Variants in GALNTL5 observed in about 807,000 individuals in gnomAD.
GALNTL5 encodes the protein polypeptide N-acetylgalactosaminyltransferase like 5.
In GALNTL5, 44 loss-of-function variants were observed where a neutral mutation model predicts 51.0. That is an observed-to-expected ratio of 0.86 (90% CI 0.68 to 1.11). The LOEUF (loss-of-function observed/expected upper bound fraction) is 1.11. GALNTL5 is among the 50% of genes least tolerant of loss of function. GALNTL5 has a pLI of 0.00. For missense variants in GALNTL5, 528 were observed against 531.8 expected (o/e 0.99, Z 0.07); for synonymous variants, 192 against 182.8 (o/e 1.05, Z -0.41).
At chr7:151,968,442 C>G (rs992206604) in intron 2 of GALNTL5, among the ~76,000 whole-genome samples, 1 of 152,228 alleles carries the variant, frequency 6.6e-6, no homozygotes, top group Admixed American at 6.5e-5. Flanking sequence ...CTGAACGGCC[C>G]TCCCACTAGA....
chr7:151,998,330 T>TA (rs34764187), intron 5 of GALNTL5, among the ~76,000 whole-genome samples: 14,247 of 151,714 alleles, frequency 0.094, 1,044 homozygotes, highest in East Asian at 0.35. Context: ...GAAAAGGTGC[T>TA]AAAAAAAAGT....
At chr7:152,001,529 T>C (rs995699680) in intron 5 of GALNTL5, among the ~76,000 whole-genome samples, 2 of 152,188 alleles carry the variant, frequency 1.3e-5, no homozygotes, top group Admixed American at 6.5e-5. Context: ...ACTTTCTCCA[T>C]TGAATTGTCT....
At chr7:152,007,306 C>T (rs954891568) in intron 6 of GALNTL5, among the ~76,000 whole-genome samples, 2 of 151,708 alleles carry the variant, frequency 1.3e-5, no homozygotes, top group Non-Finnish European at 2.9e-5. Flanking sequence ...ATCGCATACA[C>T]ATTTTGGTGA....
At chr7:151,977,304 C>T (rs1459976073) in intron 3 of GALNTL5, among the ~76,000 whole-genome samples, 2 of 152,094 alleles carry the variant, frequency 1.3e-5, no homozygotes, top group Non-Finnish European at 2.9e-5. Flanking sequence ...GTCATTTCAA[C>T]AAAACCCAAC....
At position 151,987,220 on chromosome 7, in the gene GALNTL5, A is replaced by G; in HGVS notation, c.597A>G (p.Ile199Met). ...LETFRGKVKI[I>M]RNKKREGLIR... ...CTTTTCGGGGAAAGGTTAAAATAAT[A>G]AGAAACAAAAAGAGAGAGGGGCTGA... Residue 199 changes from isoleucine (I) to methionine (M), a missense_variant, in exon 5 of 9, where the codon ATA becomes ATG. Ile to Met is a conservative substitution (Grantham distance 10). Coordinates refer to ENST00000392800, the MANE Select transcript of GALNTL5 (RefSeq NM_145292.4). The G allele has an allele frequency of 1.2e-6, 2 of 1,600,294 alleles. No individual in the cohort carries two copies. Among genetic ancestry groups the G allele is most frequent in the South Asian group, 1.1e-5 (1 of 87,048 alleles).
At position 151,987,148 on chromosome 7, in the gene GALNTL5, T is replaced by C. The variant is rs1309600528; in HGVS notation, c.536-11T>C. 1.3e-6 allele frequency: 2 copies of C among 1,586,278 alleles called. No homozygotes were observed. The highest frequency in any genetic ancestry group is 8.6e-7 in the Non-Finnish European group (1 of 1,168,652). On this transcript the variant is annotated splice_polypyrimidine_tract_variant and intron_variant, in intron 4 of 8. Transcript: ENST00000392800. Reference sequence around the variant, plus strand: ...CGTTTATACATTCTCATGTGTTGAATATTTTTCCAGATGATTTGAAAGAAA... The same window carrying C: ...CGTTTATACATTCTCATGTGTTGAACATTTTTCCAGATGATTTGAAAGAAA...
intron 4 of GALNTL5, 101 bp from the exon 5 acceptor site, chr7:151,987,058 T>C (rs1006736573): frequency 1.9e-6 from 2 of 1,039,598 alleles, no homozygotes; most frequent in African/African-American, 3.4e-5. Context: ...AGAACTTCTG[T>C]GGAATAGCAT....
At position 151,967,505 on chromosome 7, in the gene GALNTL5, G is replaced by T; in HGVS notation, c.247+12G>T. Reference sequence around the variant, plus strand: ...AAAGTCTATGTTAGGTAAGTATTTGGATTTTTTTCCGTTAGCCATTTGAAG... The same window carrying T: ...AAAGTCTATGTTAGGTAAGTATTTGTATTTTTTTCCGTTAGCCATTTGAAG... On this transcript the variant is annotated intron_variant, in intron 2 of 8. Transcript: ENST00000392800. 1.2e-6 allele frequency: 2 copies of T among 1,605,902 alleles called. No homozygotes were observed. The highest frequency in any genetic ancestry group is 1.1e-5 in the South Asian group (1 of 90,182).
At chr7:151,964,941 A>G (rs929568806) in intron 1 of GALNTL5, among the ~76,000 whole-genome samples, 1 of 152,194 alleles carries the variant, frequency 6.6e-6, no homozygotes, top group African/African-American at 2.4e-5. Context: ...AGGGAAGAAG[A>G]CAGATGGACC....
At position 152,017,076 on chromosome 7, in the gene GALNTL5, CTA is replaced by C. The variant is rs1458892895; in HGVS notation, c.1176+2286_1176+2287del. ...AAGAAAAGAAAAGAAAGAAAACCAA[CTA>C]TAGTGTATAGTCATGTCTCACTTAA... On this transcript the variant is annotated intron_variant, in intron 8 of 8. Coordinates refer to ENST00000392800, the MANE Select transcript of GALNTL5 (RefSeq NM_145292.4). Among the ~76,000 whole-genome samples the C allele has an allele frequency of 2.0e-5, 3 of 151,102 alleles. 1 individual carries two copies. The highest frequency in any genetic ancestry group is 4.4e-5 in the Non-Finnish European group (3 of 67,770).
intron 4 of GALNTL5, among the ~76,000 whole-genome samples, chr7:151,986,499 G>A (rs1024336023): frequency 6.6e-6 from 1 of 152,012 alleles, no homozygotes; most frequent in Non-Finnish European, 1.5e-5. Context: ...GCCAGGTGTT[G>A]TGGTGCATAC....
At chr7:151,985,220 C>A (rs2081346079) in intron 4 of GALNTL5, among the ~76,000 whole-genome samples, 1 of 152,146 alleles carries the variant, frequency 6.6e-6, no homozygotes, top group East Asian at 1.9e-4. Flanking sequence ...GGTGGGGACA[C>A]AAACATACCG....
chr7:151,985,575 G>A (rs1172012386), intron 4 of GALNTL5, among the ~76,000 whole-genome samples: 1 of 151,884 alleles, frequency 6.6e-6, no homozygotes, highest in Non-Finnish European at 1.5e-5. Flanking sequence ...AGGGGCCCAG[G>A]GAACTGCTCC....
At chr7:151,995,050 C>G (rs1273562152) in intron 5 of GALNTL5, 1 of 152,796 alleles carries the variant, frequency 6.5e-6, no homozygotes, top group Non-Finnish European at 1.5e-5. Flanking sequence ...AGCCACCGCG[C>G]CCGGCCTCCC....
chr7:151,956,814 G>C (rs1257213773), intron 1 of GALNTL5, among the ~76,000 whole-genome samples: 1 of 152,012 alleles, frequency 6.6e-6, no homozygotes, highest in Non-Finnish European at 1.5e-5. Flanking sequence ...ACGTGGACTG[G>C]GCATTGTAAT....
chr7:152,014,884 C>T (rs781020282), intron 8 of GALNTL5, 91 bp downstream of exon 8: 13 of 1,248,594 alleles, frequency 1.0e-5, no homozygotes, highest in Middle Eastern at 2.0e-4. Context: ...CCAGATCCAG[C>T]GTTTGTTCTG....
chr7:151,998,845 CAT>C (rs952268143), intron 5 of GALNTL5, among the ~76,000 whole-genome samples: 1 of 150,220 alleles, frequency 6.7e-6, no homozygotes, highest in African/African-American at 2.5e-5. Context: ...AATGGCTAAT[CAT>C]GTGGAAAATT....
At chr7:152,011,306 C>T (rs773055436) in intron 7 of GALNTL5, among the ~76,000 whole-genome samples, 16 of 152,238 alleles carry the variant, frequency 1.1e-4, no homozygotes, top group Non-Finnish European at 2.2e-4. Context: ...AGTGATGGTT[C>T]GTGGATGCCC....
chr7:151,982,539 G>A (rs1303643929), intron 3 of GALNTL5, among the ~76,000 whole-genome samples: 2 of 151,978 alleles, frequency 1.3e-5, no homozygotes, highest in African/African-American at 4.8e-5. Context: ...GAATAAAGTT[G>A]GAGTTTTCTC....
Sources: allele counts gnomAD v4.1 joint callset (sites outside exome capture counted in the v4.1 genomes callset), GRCh38; gene constraint gnomAD v4.1.1; transcripts MANE v1.5; gene names NCBI Gene and HGNC (gene_info 2026-07-23, HGNC 2026-07-21).